Variants in FRMD4B observed in about 807,000 individuals in gnomAD.
FRMD4B encodes FERM domain-containing protein 4B.
Under a neutral mutation model 141.5 loss-of-function variants are expected in FRMD4B, and 74 were observed. That is an observed-to-expected ratio of 0.52 (90% CI 0.43 to 0.63). The LOEUF (loss-of-function observed/expected upper bound fraction) is 0.63. Ranked by LOEUF, FRMD4B falls within the 30% of genes least tolerant of loss-of-function variation. The pLI, the probability that FRMD4B is intolerant of heterozygous loss-of-function variation, is 0.00. For missense variants in FRMD4B, 1,366 were observed against 1,253.4 expected (o/e 1.09, Z -1.36); for synonymous variants, 506 against 467.9 (o/e 1.08, Z -1.05).
At chr3:69,443,221 T>G (rs1559528886) in intron 1 of FRMD4B, among the ~76,000 whole-genome samples, 1 of 152,170 alleles carries the variant, frequency 6.6e-6, no homozygotes, top group Non-Finnish European at 1.5e-5. Flanking sequence ...TACTCAATCA[T>G]GCCTAACTAA....
intron 1 of FRMD4B, among the ~76,000 whole-genome samples, chr3:69,501,271 G>A (rs551658915): frequency 6.6e-4 from 90 of 135,696 alleles, no homozygotes; most frequent in Middle Eastern, 4.4e-3. Flanking sequence ...TATCCTTAGC[G>A]TTAGTATATT....
chr3:69,225,724 AAAAAG>A lies in FRMD4B; in HGVS notation c.582-1039_582-1035del, dbSNP rs2093247534. Among the ~76,000 whole-genome samples the A allele has an allele frequency of 1.0e-4, 8 of 77,390 alleles. 3 individuals carry two copies. The highest frequency in any genetic ancestry group is 1.4e-4 in the Non-Finnish European group (5 of 35,478). The allele number at this position is 77,390 out of a possible 152,430, so 50.8% of individuals were successfully genotyped here. On this transcript the variant is annotated intron_variant, in intron 7 of 22. Coordinates refer to ENST00000398540, the MANE Select transcript of FRMD4B (RefSeq NM_015123.3). ...AAAAAAAAAAAAAAAAAAAAAAAAAAAAAAGAGGGAGAACACGTAATACTACCCAG... is the reference window on the plus strand; with the variant it reads ...AAAAAAAAAAAAAAAAAAAAAAAAAAAGGGAGAACACGTAATACTACCCAG...
At chr3:69,347,690 G>A (rs1007787631) in intron 1 of FRMD4B, among the ~76,000 whole-genome samples, 41 of 152,190 alleles carry the variant, frequency 2.7e-4, no homozygotes, top group African/African-American at 3.6e-4. Flanking sequence ...ACTCAAAACC[G>A]CTCAACTATA....
At chr3:69,240,413 G>A (rs1442635119) in intron 7 of FRMD4B, among the ~76,000 whole-genome samples, 1 of 148,944 alleles carries the variant, frequency 6.7e-6, no homozygotes, top group Admixed American at 6.8e-5. Flanking sequence ...CCCGGGAGGC[G>A]GAGGTTGCAG....
At chr3:69,197,626 A>T (rs1345046772) in intron 12 of FRMD4B, 1 of 145,484 alleles carries the variant, frequency 6.9e-6, no homozygotes, top group Non-Finnish European at 1.5e-5. Context: ...GAAGGGAGGG[A>T]GGGGAAGTGA....
intron 1 of FRMD4B, among the ~76,000 whole-genome samples, chr3:69,468,033 CAG>C (rs1218068773): frequency 3.3e-5 from 5 of 152,196 alleles, no homozygotes; most frequent in Non-Finnish European, 5.9e-5. Context: ...AACTGATTAA[CAG>C]AGTTTTTGAC....
chr3:69,382,708 T>A (rs1214911368), intron 1 of FRMD4B, among the ~76,000 whole-genome samples: 1 of 149,748 alleles, frequency 6.7e-6, no homozygotes, highest in Non-Finnish European at 1.5e-5. Flanking sequence ...AAATTGGAGT[T>A]CCAGCATGTA....
intron 5 of FRMD4B, among the ~76,000 whole-genome samples, chr3:69,254,999 C>A (rs9826784): frequency 0.25 from 38,727 of 152,002 alleles, 5,233 homozygotes; most frequent in East Asian, 0.49. Flanking sequence ...TTCCAACGTA[C>A]AGGAGACTGA....
At chr3:69,444,745 T>C (rs1412303031) in intron 1 of FRMD4B, among the ~76,000 whole-genome samples, 1 of 152,230 alleles carries the variant, frequency 6.6e-6, no homozygotes, top group Non-Finnish European at 1.5e-5. Context: ...CAGTGCTATG[T>C]TCACTACTCA....
intron 1 of FRMD4B, among the ~76,000 whole-genome samples, chr3:69,313,957 G>A (rs1701699941): frequency 6.7e-6 from 1 of 148,278 alleles, no homozygotes; most frequent in African/African-American, 2.5e-5. Flanking sequence ...GGCTAACACG[G>A]TGAAACCCCG....
At chr3:69,263,817 CTTTTTTTT>C (rs3032130) in intron 5 of FRMD4B, among the ~76,000 whole-genome samples, 1 of 68,520 alleles carries the variant, frequency 1.5e-5, no homozygotes, top group Non-Finnish European at 2.5e-5. Context: ...AACCCCATTC[CTTTTTTTT>C]TTTTTTTTTT....
chr3:69,210,109 C>G (rs930226080), intron 11 of FRMD4B, among the ~76,000 whole-genome samples: 4 of 152,204 alleles, frequency 2.6e-5, no homozygotes, highest in African/African-American at 9.7e-5. Context: ...GAGACTTTTC[C>G]CACCTTCACA....
rs372919094 is a variant in FRMD4B, at chr3:69,233,659, T to C, written c.582-8969A>G. ...CCTGTTATTAAGTGTATATGTACCA[T>C]ACAGCTTACATAACATGAGAAATTA... On this transcript the variant is annotated intron_variant, in intron 7 of 22. Transcript: ENST00000398540. Among the ~76,000 whole-genome samples, 25 of 152,232 alleles carry C rather than the reference T, an allele frequency of 1.6e-4. No homozygotes were observed. In the South Asian group the frequency reaches 1.7e-3, roughly 10 times the overall value.
intron 2 of FRMD4B, among the ~76,000 whole-genome samples, chr3:69,393,662 A>AT (rs893293600): frequency 3.3e-5 from 5 of 152,114 alleles, no homozygotes; most frequent in African/African-American, 4.8e-5. Flanking sequence ...ATATAGCACC[A>AT]TTTTTTTTCT....
chr3:69,296,064 C>T (rs1292633486), intron 4 of FRMD4B, among the ~76,000 whole-genome samples: 1 of 152,156 alleles, frequency 6.6e-6, no homozygotes, highest in Non-Finnish European at 1.5e-5. Context: ...ATCCACCCAT[C>T]TTGGCCTCCC....
intron 2 of FRMD4B, among the ~76,000 whole-genome samples, chr3:69,396,210 G>A (rs1472115078): frequency 6.6e-6 from 1 of 152,136 alleles, no homozygotes. Flanking sequence ...TTTCCAAAGA[G>A]TTACAGAAAA....
At chr3:69,524,470 G>T (rs1321550170) in intron 1 of FRMD4B, among the ~76,000 whole-genome samples, 1 of 152,220 alleles carries the variant, frequency 6.6e-6, no homozygotes, top group Admixed American at 6.5e-5. Flanking sequence ...ATATCAGTTA[G>T]AATGTAGGTG....
At chr3:69,231,315 C>T (rs1032963276) in intron 7 of FRMD4B, among the ~76,000 whole-genome samples, 2 of 151,880 alleles carry the variant, frequency 1.3e-5, no homozygotes, top group South Asian at 2.1e-4. Context: ...TTTTTTTCTC[C>T]GAGACTCTGT....
At chr3:69,194,180 A>T (rs548048776) in intron 16 of FRMD4B, among the ~76,000 whole-genome samples, 20 of 152,330 alleles carry the variant, frequency 1.3e-4, no homozygotes, top group East Asian at 3.9e-4. Context: ...TGGATGCAGA[A>T]GATTATATTT....
Sources: gnomAD v4.1 joint callset for allele counts (sites outside exome capture counted in the v4.1 genomes callset) on GRCh38, gnomAD v4.1.1 for gene constraint, MANE v1.5 for transcripts, NCBI Gene and HGNC (gene_info 2026-07-23, HGNC 2026-07-21) for gene names.